Variants in SLC8A1 observed in about 807,000 individuals in gnomAD.
SLC8A1 encodes solute carrier family 8 member A1.
Under a neutral mutation model 68.3 loss-of-function variants are expected in SLC8A1, and 18 were observed. That is an observed-to-expected ratio of 0.26 (90% confidence interval 0.18 to 0.39). SLC8A1 has a LOEUF of 0.39. SLC8A1 is among the 10% of genes least tolerant of loss of function. SLC8A1 has a pLI of 1.00. For synonymous variants in SLC8A1, 475 were observed against 415.5 expected (o/e 1.14, Z -1.74); for missense variants, 985 against 1,156.7 (o/e 0.85, Z 2.15).
chr2:40,290,724 C>T (rs529107316), intron 2 of SLC8A1, among the ~76,000 whole-genome samples: 3 of 152,252 alleles, frequency 2.0e-5, no homozygotes, highest in Non-Finnish European at 4.4e-5. Context: ...TCCTAAAATA[C>T]CCATTACTAC....
intron 2 of SLC8A1, among the ~76,000 whole-genome samples, chr2:40,268,047 T>G (rs2065579052): frequency 6.6e-6 from 1 of 152,200 alleles, no homozygotes; most frequent in Non-Finnish European, 1.5e-5. Flanking sequence ...TTTTATCACA[T>G]TTAATCCTGA....
rs181365315 is a variant in SLC8A1 at position 40,315,711 on chromosome 2, C to A, written c.1808+112762G>T. On this transcript the variant is annotated intron_variant, in intron 2 of 7. Transcript: ENST00000406785. The stretch of plus-strand genomic sequence containing the variant: ...ACCTTCAGGAATATTTATCTGAAGT[C>A]TTTTCATGTAGCTAAAGTGCAATCA... Among the ~76,000 whole-genome samples the A allele has an allele frequency of 6.2e-3, 949 of 152,072 alleles. 7 individuals are homozygous for A. The highest frequency in any genetic ancestry group is 0.021 in the African/African-American group (888 of 41,536).
chr2:40,463,818 A>G (rs1703477361), intron 1 of SLC8A1, among the ~76,000 whole-genome samples: 1 of 148,408 alleles, frequency 6.7e-6, no homozygotes, highest in Non-Finnish European at 1.5e-5. Context: ...TAAAGAGGAT[A>G]TATACATACA....
intron 2 of SLC8A1, among the ~76,000 whole-genome samples, chr2:40,415,270 G>T (rs1440178224): frequency 1.3e-5 from 2 of 152,120 alleles, no homozygotes; most frequent in African/African-American, 2.4e-5. Context: ...ACTTCCAAGA[G>T]TCTCTCATTT....
At chr2:40,134,216 C>T (rs1457411685) in intron 7 of SLC8A1, among the ~76,000 whole-genome samples, 4 of 151,930 alleles carry the variant, frequency 2.6e-5, no homozygotes, top group Non-Finnish European at 4.4e-5. Flanking sequence ...CTCAGCCTCC[C>T]GAACAGCTGG....
intron 2 of SLC8A1, among the ~76,000 whole-genome samples, chr2:40,334,974 C>G (rs914706196): frequency 1.3e-5 from 2 of 152,148 alleles, no homozygotes; most frequent in African/African-American, 4.8e-5. Flanking sequence ...TCAGTAAATT[C>G]GGTCATCCCT....
At chr2:40,451,049 G>T (rs1702383462) in intron 1 of SLC8A1, among the ~76,000 whole-genome samples, 1 of 152,234 alleles carries the variant, frequency 6.6e-6, no homozygotes, top group Non-Finnish European at 1.5e-5. Context: ...GTATTTTCAA[G>T]AGCATCGCCT....
chr2:40,145,523 TCCTCCA>T (rs2042297414), intron 6 of SLC8A1, among the ~76,000 whole-genome samples: 1 of 152,212 alleles, frequency 6.6e-6, no homozygotes, highest in Non-Finnish European at 1.5e-5. Flanking sequence ...GTAGGCTTTC[TCCTCCA>T]GAATTATGAC....
chr2:40,389,763 T>C (rs944743304), intron 2 of SLC8A1, among the ~76,000 whole-genome samples: 1 of 151,468 alleles, frequency 6.6e-6, no homozygotes, highest in Non-Finnish European at 1.5e-5. Context: ...AGAAATTGTT[T>C]TCAGATACTT....
At chr2:40,353,818 G>A (rs987906903) in intron 2 of SLC8A1, among the ~76,000 whole-genome samples, 1 of 152,098 alleles carries the variant, frequency 6.6e-6, no homozygotes, top group Non-Finnish European at 1.5e-5. Flanking sequence ...CCTTCTACCT[G>A]CACACCCTTC....
At chr2:40,241,076 T>C (rs2148963283) in intron 2 of SLC8A1, among the ~76,000 whole-genome samples, 1 of 152,230 alleles carries the variant, frequency 6.6e-6, no homozygotes, top group East Asian at 1.9e-4. Context: ...CCATTCACAA[T>C]AGCAAAGGCA....
chr2:40,205,457 G>A (rs1177772291), intron 2 of SLC8A1, among the ~76,000 whole-genome samples: 4 of 151,942 alleles, frequency 2.6e-5, no homozygotes, highest in Non-Finnish European at 5.9e-5. Flanking sequence ...TGGTGTATAT[G>A]TACCACATTT....
At chr2:40,232,752 C>CA (rs2059843070) in intron 2 of SLC8A1, among the ~76,000 whole-genome samples, 4 of 87,340 alleles carry the variant, frequency 4.6e-5, no homozygotes, top group East Asian at 2.3e-4. Flanking sequence ...CCTCCCCCCC[C>CA]GCCACCCCAC....
chr2:40,208,562 C>T (rs1402270018), intron 2 of SLC8A1: 8 of 152,166 alleles, frequency 5.3e-5, no homozygotes, highest in Non-Finnish European at 1.0e-4. Flanking sequence ...TTCTAGGCAT[C>T]GTCCAGAGAT....
intron 2 of SLC8A1, among the ~76,000 whole-genome samples, chr2:40,287,662 C>G (rs1402384788): frequency 7.1e-6 from 1 of 141,586 alleles, no homozygotes; most frequent in Non-Finnish European, 1.5e-5. Flanking sequence ...GCTTACCATA[C>G]TGGGAGGACA....
intron 2 of SLC8A1, among the ~76,000 whole-genome samples, chr2:40,373,158 T>C (rs959204995): frequency 1.0e-5 from 1 of 96,936 alleles, no homozygotes; most frequent in African/African-American, 5.9e-5. Flanking sequence ...AAAAGGCTAT[T>C]CTTACCAGGT....
In SLC8A1 at chr2:40,325,777, C is replaced by CAA. The variant is rs3059526; in HGVS notation, c.1808+102694_1808+102695dup. 1.1e-3 allele frequency among the ~76,000 whole-genome samples: 48 copies of CAA among 45,008 alleles called. 3 individuals carry two copies. The highest frequency in any genetic ancestry group is 1.9e-3 in the South Asian group (2 of 1,046). 29.5% of individuals were successfully genotyped at this position (45,008 alleles called of 152,430 possible). A position where few individuals can be genotyped will look rare whatever the true frequency, so the allele number is the denominator to read the frequency against. On this transcript the variant is annotated intron_variant, in intron 2 of 7. Transcript: ENST00000406785. ...TGAAACCCTGTCTCTACTAAAAATA[C>CAA]AAAAAAAAAAAAAAAAAAAAAAAAA...
At chr2:40,439,216 T>A (rs111287835) in intron 1 of SLC8A1, among the ~76,000 whole-genome samples, 5 of 152,188 alleles carry the variant, frequency 3.3e-5, no homozygotes, top group Admixed American at 6.5e-5. Flanking sequence ...GCTGCAGGTG[T>A]TTTGTCTTCT....
At chr2:40,413,561 T>C (rs893798475) in intron 2 of SLC8A1, among the ~76,000 whole-genome samples, 27 of 152,200 alleles carry the variant, frequency 1.8e-4, no homozygotes, top group African/African-American at 5.8e-4. Context: ...CAGAAGTTAA[T>C]AACATTGGTC....
Sources: allele counts gnomAD v4.1 joint callset (sites outside exome capture counted in the v4.1 genomes callset), GRCh38; gene constraint gnomAD v4.1.1; transcripts MANE v1.5; gene names NCBI Gene and HGNC (gene_info 2026-07-23, HGNC 2026-07-21).